Variants in UBA6 observed in about 807,000 individuals in gnomAD.
The protein encoded by UBA6 is ubiquitin like modifier activating enzyme 6.
Under a neutral mutation model 148.3 loss-of-function variants are expected in UBA6, and 87 were observed. The ratio of observed to expected loss-of-function variants is 0.59; its 90% confidence interval spans 0.49 to 0.70. The LOEUF (loss-of-function observed/expected upper bound fraction) is 0.70, where lower values mean the gene tolerates loss of function less well. Ranked by LOEUF, UBA6 falls within the 30% of genes least tolerant of loss-of-function variation. UBA6 has a pLI of 0.00. For missense variants in UBA6, 1,186 were observed against 1,241.2 expected (o/e 0.96, Z 0.67); for synonymous variants, 376 against 401.0 (o/e 0.94, Z 0.75).
In UBA6 at chr4:67,641,142, G is replaced by C. The variant is rs765261653; in HGVS notation, c.1554+9C>G. 2.6e-6 allele frequency: 4 copies of C among 1,532,150 alleles called. No individual in the cohort carries two copies. The highest frequency in any genetic ancestry group is 2.7e-6 in the Non-Finnish European group (3 of 1,127,778). The allele number at this position is 1,532,150 out of a possible 1,614,324, so 94.9% of individuals were successfully genotyped here. A position where few individuals can be genotyped will look rare whatever the true frequency, so the allele number is the denominator to read the frequency against. ...CATGATTTAAATTTGAAACAGAATA[G>C]CAACATACCTGTATGTGATGAGGAC... On this transcript the variant is annotated intron_variant, in intron 18 of 32. Coordinates refer to ENST00000322244, the MANE Select transcript of UBA6 (RefSeq NM_018227.6).
rs985952377 is a variant in UBA6, at chr4:67,617,984, T to C, written c.*1013A>G. The C allele has an allele frequency of 6.7e-6, 1 of 150,178 alleles. No individual in the cohort carries two copies. The highest frequency in any genetic ancestry group is 1.5e-5 in the Non-Finnish European group (1 of 67,596). The allele number at this position is 150,178 out of a possible 1,614,324, so 9.3% of individuals were successfully genotyped here. On this transcript the variant is annotated 3_prime_UTR_variant, in exon 33 of 33. Coordinates refer to ENST00000322244, the MANE Select transcript of UBA6 (RefSeq NM_018227.6). ...GACCTTAAAAAATAAATTTTTATCT[T>C]CATTAACTCCCTTTCTGGGAATGGG...
At chr4:67,636,548 C>T (rs1198829118) in intron 19 of UBA6, among the ~76,000 whole-genome samples, 1 of 152,214 alleles carries the variant, frequency 6.6e-6, no homozygotes, top group East Asian at 1.9e-4. Context: ...CGCACCGCCA[C>T]GCCTGACTGG....
At position 67,649,172 on chromosome 4, in the gene UBA6, T is replaced by C; in HGVS notation, c.1144A>G (p.Thr382Ala). 6.2e-7 allele frequency: 1 copy of C among 1,612,720 alleles called. No homozygotes were observed. The highest frequency in any genetic ancestry group is 8.5e-7 in the Non-Finnish European group (1 of 1,179,452). ...AGTGGAGATAAAAAGCCTTGGGCAGTCCAAGAGAGCCAATGCACAATGTCA... is the reference window on the plus strand; with the variant it reads ...AGTGGAGATAAAAAGCCTTGGGCAGCCCAAGAGAGCCAATGCACAATGTCA... The part of the protein sequence containing the change: ...NADIVHWLSW[T>A]AQGFLSPLAA... Residue 382 changes from threonine to alanine, a missense_variant, in exon 14 of 33, where the codon ACT becomes GCT. Thr to Ala is a moderately conservative substitution (Grantham distance 58). Transcript: ENST00000322244.
At position 67,663,869 on chromosome 4, in the gene UBA6, C is replaced by T; in HGVS notation, c.960+16G>A. 1 of 1,611,232 alleles carries T rather than the reference C, an allele frequency of 6.2e-7. No homozygotes were observed. Among genetic ancestry groups the T allele is most frequent in the East Asian group, 2.2e-5 (1 of 44,796 alleles). Reference sequence around the variant, plus strand: ...GATTCTGCTGCCTCTCTCAAACCTGCAAAGTGTTTATTTACCTCAGGGTTG... The same window carrying T: ...GATTCTGCTGCCTCTCTCAAACCTGTAAAGTGTTTATTTACCTCAGGGTTG... On this transcript the variant is annotated intron_variant, in intron 11 of 32. Coordinates refer to ENST00000322244, the MANE Select transcript of UBA6 (RefSeq NM_018227.6).
At chr4:67,690,768 TA>T (rs1012043758) in intron 2 of UBA6, among the ~76,000 whole-genome samples, 12 of 144,478 alleles carry the variant, frequency 8.3e-5, no homozygotes, top group African/African-American at 3.0e-4. Context: ...GGATGACCAT[TA>T]TAAAACAAAA....
At chr4:67,645,160 AT>A (rs1300425393) in intron 16 of UBA6, among the ~76,000 whole-genome samples, 4 of 152,194 alleles carry the variant, frequency 2.6e-5, no homozygotes, top group Non-Finnish European at 5.9e-5. Context: ...GTAACAGTTG[AT>A]TTTCAAAACA....
chr4:67,686,012 T>C (rs190243753), intron 2 of UBA6, among the ~76,000 whole-genome samples: 93 of 152,336 alleles, frequency 6.1e-4, no homozygotes, highest in African/African-American at 2.2e-3. Context: ...AAGTTCATAA[T>C]GTTAACAGGT....
chr4:67,668,465 G>T, intron 9 of UBA6, 86 bp downstream of exon 9: 1 of 1,283,656 alleles, frequency 7.8e-7, no homozygotes, highest in Non-Finnish European at 1.1e-6. Flanking sequence ...GTCTCTCTGA[G>T]TTGACATTCT....
chr4:67,684,433 T>A (rs1188411771), intron 2 of UBA6, among the ~76,000 whole-genome samples: 1 of 152,202 alleles, frequency 6.6e-6, no homozygotes, highest in East Asian at 1.9e-4. Flanking sequence ...ATGATTCTTT[T>A]TTTATGTGTT....
In UBA6 at chr4:67,619,041, G is replaced by A. The variant is rs779765182; in HGVS notation, c.3115C>T (p.Pro1039Ser). The A allele has an allele frequency of 1.1e-5, 17 of 1,613,700 alleles. No individual in the cohort carries two copies. The South Asian group carries it at 1.9e-4, about 18-fold the overall frequency. The change falls in exon 33 of 33, where the codon CCG becomes TCG. Residue 1039 changes from proline (P) to serine (S), a missense_variant. Physicochemically the swap from Pro to Ser is moderately conservative, Grantham distance 74. Transcript: ENST00000322244. ...AAGTAGTATCTTACTGGAGGTCCCG[G>A]CAAATCTTCATCTCCATCAATGTCT... ...APDIDGDEDLPGPPVRYYFSH... is the reference protein window; with the variant it reads ...APDIDGDEDLSGPPVRYYFSH...
chr4:67,660,760 T>A (rs1482533377), intron 13 of UBA6, among the ~76,000 whole-genome samples: 2 of 152,098 alleles, frequency 1.3e-5, no homozygotes, highest in Non-Finnish European at 2.9e-5. Flanking sequence ...GAATGGTAGA[T>A]CCAACGAAAG....
At chr4:67,634,069 AAAC>A (rs1488993734) in intron 22 of UBA6, among the ~76,000 whole-genome samples, 170 bp downstream of exon 22, 1 of 152,114 alleles carries the variant, frequency 6.6e-6, no homozygotes, top group East Asian at 1.9e-4. Flanking sequence ...CATGTAGTTC[AAAC>A]AACCAAAATG....
intron 2 of UBA6, among the ~76,000 whole-genome samples, chr4:67,683,882 G>A (rs1015869916): frequency 1.3e-5 from 2 of 152,066 alleles, no homozygotes; most frequent in Non-Finnish European, 2.9e-5. Context: ...AGACCAGCCT[G>A]GGCAACACAG....
chr4:67,642,918 C>T (rs1389381997), intron 17 of UBA6, among the ~76,000 whole-genome samples: 1 of 151,944 alleles, frequency 6.6e-6, no homozygotes. Flanking sequence ...TATCTTTCTG[C>T]ACTACATTCT....
At chr4:67,663,304 C>T in intron 11 of UBA6, 89 bp from the exon 12 acceptor site, 2 of 818,378 alleles carry the variant, frequency 2.4e-6, no homozygotes, top group Non-Finnish European at 4.0e-6. Context: ...CATTATTTAA[C>T]CATCATAATA....
Position 67,635,462 on chromosome 4 carries a change from G to T in UBA6, c.1833C>A (p.Tyr611Ter). 1 of 1,583,626 alleles carries T rather than the reference G, an allele frequency of 6.3e-7. No homozygotes were observed. Among genetic ancestry groups the T allele is most frequent in the Non-Finnish European group, 8.7e-7 (1 of 1,152,960 alleles). The part of the protein sequence containing the change: ...EVIVPHLTES[Y>*]NSHRDPPEEE... ...ATATTGATTCACTTACATGACTATT[G>T]TAAGACTCAGTCAAATGCGGTACAA... Residue 611 changes from tyrosine to a stop codon, truncating the protein, a stop_gained, in exon 20 of 33, where the codon TAC becomes TAA. Coordinates refer to ENST00000322244, the MANE Select transcript of UBA6 (RefSeq NM_018227.6). LOFTEE classifies it high-confidence loss of function.
intron 17 of UBA6, among the ~76,000 whole-genome samples, chr4:67,641,607 T>C (rs563211124): frequency 6.6e-6 from 1 of 152,178 alleles, no homozygotes; most frequent in South Asian, 2.1e-4. Flanking sequence ...GGAAGAATGC[T>C]TATATGTATC....
intron 22 of UBA6, among the ~76,000 whole-genome samples, 154 bp downstream of exon 22, chr4:67,634,088 T>C (rs942755517): frequency 6.6e-6 from 1 of 152,144 alleles, no homozygotes; most frequent in Non-Finnish European, 1.5e-5. Context: ...AAATGATAAT[T>C]TGTGACCTAA....
chr4:67,660,700 G>A (rs1729828240), intron 13 of UBA6, among the ~76,000 whole-genome samples: 1 of 152,198 alleles, frequency 6.6e-6, no homozygotes, highest in East Asian at 1.9e-4. Flanking sequence ...GTCCCCATTG[G>A]CACTGCCTAG....
Sources: gnomAD v4.1 joint callset for allele counts (sites outside exome capture counted in the v4.1 genomes callset) on GRCh38, gnomAD v4.1.1 for gene constraint, MANE v1.5 for transcripts, NCBI Gene and HGNC (gene_info 2026-07-23, HGNC 2026-07-21) for gene names.